The following PPARD variants were observed in gnomAD, a reference collection of about 807,000 sequenced individuals.
PPARD encodes the protein peroxisome proliferator-activated receptor delta.
A neutral mutation model predicts 39.5 loss-of-function variants in PPARD; 6 were observed. That is an observed-to-expected ratio of 0.15 (90% CI 0.08 to 0.30). The LOEUF (loss-of-function observed/expected upper bound fraction) is 0.30. Ranked by LOEUF, PPARD falls within the 10% of genes least tolerant of loss-of-function variation. The probability of loss-of-function intolerance (pLI) is 1.00; values close to 1 mark genes in which losing one functional copy is unlikely to be tolerated. For missense variants in PPARD, 397 were observed against 596.8 expected, an observed-to-expected ratio of 0.67 and a Z score of 3.49; for synonymous variants, 210 against 231.3, an observed-to-expected ratio of 0.91 and a Z score of 0.83.
At chr6:35,371,411 T>C (rs1762477480) in intron 2 of PPARD, among the ~76,000 whole-genome samples, 1 of 152,202 alleles carries the variant, frequency 6.6e-6, no homozygotes, top group African/African-American at 2.4e-5. Flanking sequence ...TCTGCTCTTA[T>C]AGCTACCAAA....
chr6:35,364,716 T>G (rs1015063470), intron 2 of PPARD, among the ~76,000 whole-genome samples: 9 of 148,524 alleles, frequency 6.1e-5, no homozygotes, highest in South Asian at 2.1e-4. Flanking sequence ...ACTCTTTGTT[T>G]TTTGTTTGTT....
At chr6:35,371,609 C>T (rs1442755667) in intron 2 of PPARD, among the ~76,000 whole-genome samples, 1 of 152,178 alleles carries the variant, frequency 6.6e-6, no homozygotes, top group Non-Finnish European at 1.5e-5. Context: ...CTGCCATGCA[C>T]AGGTCGTTCC....
rs1347950322 is a variant in PPARD at position 35,423,948 on chromosome 6, A to G, written c.427A>G (p.Ile143Val). 6.2e-7 allele frequency: 1 copy of G among 1,613,826 alleles called. No individual in the cohort carries two copies. The highest frequency in any genetic ancestry group is 1.7e-5 in the Admixed American group (1 of 60,006). ...TGACTGCCCCCTTCCCTGTGCAGCT[A>G]TCCGTTTTGGTCGGATGCCGGAGGC... The part of the protein sequence containing the change: ...CLALGMSHNA[I>V]RFGRMPEAEK... The change falls in exon 6 of 8, where the codon ATC (isoleucine) becomes GTC (valine). Residue 143 changes from isoleucine to valine, a missense_variant and splice_region_variant. Ile to Val is a conservative substitution (Grantham distance 29). Transcript: ENST00000360694.
At chr6:35,359,753 A>G (rs9658078) in intron 2 of PPARD, among the ~76,000 whole-genome samples, 3 of 152,210 alleles carry the variant, frequency 2.0e-5, no homozygotes, top group African/African-American at 7.2e-5. Context: ...GCTGATCACT[A>G]CATATATCAC....
intron 3 of PPARD, among the ~76,000 whole-genome samples, chr6:35,413,262 G>A (rs1765545873): frequency 6.6e-6 from 1 of 152,174 alleles, no homozygotes; most frequent in South Asian, 2.1e-4. Context: ...TGGGATTTAG[G>A]GCACAGCGGG....
Position 35,424,583 on chromosome 6 carries a change from G to C in PPARD, c.882G>C (p.Leu294=), listed in dbSNP as rs768255316. 1.9e-5 allele frequency: 31 copies of C among 1,614,268 alleles called. No homozygotes were observed. The South Asian group carries it at 3.4e-4, about 18-fold the overall frequency. The change falls in exon 7 of 8, where the codon CTG becomes CTC. Residue 294 remains leucine (L), a synonymous_variant. Transcript: ENST00000360694. The surrounding 1 kb of genome is among the most constrained non-coding windows in gnomAD (Gnocchi z 7.1). ...TGCACGAGGCCATCTTCGCCATGCT[G>C]GCCTCTATCGTCAACAAGGACGGGC... The part of the protein sequence containing the change: ...YGVHEAIFAM[L]ASIVNKDGLL...
At chr6:35,402,442 C>T (rs1229556186) in intron 2 of PPARD, among the ~76,000 whole-genome samples, 7 of 152,188 alleles carry the variant, frequency 4.6e-5, no homozygotes, top group African/African-American at 1.4e-4. Context: ...TGGGTGGGCA[C>T]ACCCAAGGCC....
At chr6:35,397,646 C>A in intron 2 of PPARD, 1 of 718,138 alleles carries the variant, frequency 1.4e-6, no homozygotes, top group Non-Finnish European at 1.7e-6. Flanking sequence ...TCCTCTGATA[C>A]TTGAGGGTTA....
At chr6:35,396,967 TA>T (rs1764364838) in intron 2 of PPARD, among the ~76,000 whole-genome samples, 1 of 152,108 alleles carries the variant, frequency 6.6e-6, no homozygotes, top group South Asian at 2.1e-4. Context: ...TAGCATAGTG[TA>T]CTTTTCAGAT....
chr6:35,352,103 G>A (rs1015279667), intron 2 of PPARD, among the ~76,000 whole-genome samples: 7 of 151,624 alleles, frequency 4.6e-5, no homozygotes, highest in Non-Finnish European at 1.0e-4. Context: ...TCCTGAGCTC[G>A]AGCCATTCAT....
intron 3 of PPARD, among the ~76,000 whole-genome samples, chr6:35,419,096 G>A (rs541328945): frequency 3.9e-5 from 6 of 152,236 alleles, no homozygotes; most frequent in East Asian, 1.9e-4. Context: ...CTGTGGCTTC[G>A]GTCCCCCAAC....
At chr6:35,374,313 C>CGGG (rs550238146) in intron 2 of PPARD, among the ~76,000 whole-genome samples, 22 of 142,562 alleles carry the variant, frequency 1.5e-4, no homozygotes, top group African/African-American at 4.3e-4. Flanking sequence ...GGCGGTGGGG[C>CGGG]GGGGGGGTTT....
chr6:35,381,478 C>T (rs1354549200), intron 2 of PPARD, among the ~76,000 whole-genome samples: 1 of 152,166 alleles, frequency 6.6e-6, no homozygotes, highest in Non-Finnish European at 1.5e-5. Flanking sequence ...CAGTCTAGGG[C>T]TTGTCTCTCC....
intron 2 of PPARD, among the ~76,000 whole-genome samples, chr6:35,386,024 C>T (rs927590236): frequency 6.6e-6 from 1 of 152,058 alleles, no homozygotes; most frequent in Non-Finnish European, 1.5e-5. Flanking sequence ...TGGACTGTGA[C>T]CCTGGGCAAG....
intron 2 of PPARD, among the ~76,000 whole-genome samples, chr6:35,353,200 G>C (rs1426624590): frequency 6.6e-6 from 1 of 152,168 alleles, no homozygotes; most frequent in South Asian, 2.1e-4. Context: ...TTTGGGCAAT[G>C]GGGGAGCCAT....
At chr6:35,411,280 C>G in intron 3 of PPARD, 63 bp downstream of exon 3, 6 of 1,359,100 alleles carry the variant, frequency 4.4e-6, no homozygotes, top group Non-Finnish European at 5.7e-6. Context: ...AGTGGGGATC[C>G]TGGCCCTCTG....
chr6:35,373,732 A>G (rs1427502453), intron 2 of PPARD, among the ~76,000 whole-genome samples: 4 of 151,424 alleles, frequency 2.6e-5, no homozygotes, highest in African/African-American at 7.3e-5. Context: ...CAGTGGTGCA[A>G]TCTCAGCTCA....
chr6:35,345,030 C>A (rs1028845339), intron 1 of PPARD, among the ~76,000 whole-genome samples: 1 of 152,132 alleles, frequency 6.6e-6, no homozygotes, highest in African/African-American at 2.4e-5. Flanking sequence ...TCAAGGACTC[C>A]TCCTTACTCT....
In PPARD at chr6:35,349,961, C is replaced by T. The variant is rs548773399; in HGVS notation, c.-102+2811C>T. Among the ~76,000 whole-genome samples the T allele has an allele frequency of 4.8e-3, 734 of 152,142 alleles. 2 individuals carry two copies. The highest frequency in any genetic ancestry group is 7.9e-3 in the Non-Finnish European group (534 of 67,996). On this transcript the variant is annotated intron_variant, in intron 2 of 7. Coordinates refer to ENST00000360694, the MANE Select transcript of PPARD (RefSeq NM_006238.5). ...TTTGTCATGTTGGCCAGGCTGGTCT[C>T]GAACTCCTGACCTCAAGTGATCTGC...
Sources: allele counts gnomAD v4.1 joint callset (sites outside exome capture counted in the v4.1 genomes callset), GRCh38; gene constraint gnomAD v4.1.1; non-coding constraint Gnocchi (gnomAD v3.1); transcripts MANE v1.5; gene names NCBI Gene and HGNC (gene_info 2026-07-23, HGNC 2026-07-21).